The following SLC35F2 variants were observed in gnomAD, a reference collection of about 807,000 sequenced individuals.
SLC35F2 encodes the protein queuine/queuosine transporter SLC35F2.
Under a neutral mutation model 38.1 loss-of-function variants are expected in SLC35F2, and 25 were observed. The observed-to-expected ratio is 0.66, with a 90% CI of 0.48 to 0.92. The LOEUF (loss-of-function observed/expected upper bound fraction) is 0.92, where lower values mean the gene tolerates loss of function less well. SLC35F2 is among the 40% of genes least tolerant of loss of function. The pLI is 0.00. For missense variants in SLC35F2, 409 were observed against 452.9 expected (o/e 0.90, Z 0.88); for synonymous variants, 173 against 181.7 (o/e 0.95, Z 0.38).
At chr11:107,851,157 G>T (rs1381313814) in intron 1 of SLC35F2, among the ~76,000 whole-genome samples, 1 of 152,024 alleles carries the variant, frequency 6.6e-6, no homozygotes, top group Non-Finnish European at 1.5e-5. Context: ...CAGCTACTCA[G>T]GAGGCTGAAG....
chr11:107,815,234 G>A (rs1859549579), intron 2 of SLC35F2, among the ~76,000 whole-genome samples: 2 of 151,398 alleles, frequency 1.3e-5, no homozygotes, highest in South Asian at 2.1e-4. Context: ...AATTGGGGGG[G>A]AAACCTAACT....
rs763450986 is a variant in SLC35F2, at chr11:107,849,638, T to TG, written c.110+9019dup. Among the ~76,000 whole-genome samples, 16 of 49,636 alleles carry TG rather than the reference T, an allele frequency of 3.2e-4. 1 individual carries two copies. The highest frequency in any genetic ancestry group is 2.4e-3 in the South Asian group (2 of 826). 32.6% of individuals were successfully genotyped at this position (49,636 alleles called of 152,430 possible). A position where few individuals can be genotyped will look rare whatever the true frequency, so the allele number is the denominator to read the frequency against. On this transcript the variant is annotated intron_variant, in intron 1 of 7. Transcript: ENST00000525815. ...TGGGCGACAGAGCAAGACTCCGTTTTGGGAAAAAAAAAAAAAAAAAAAGAC... is the reference window on the plus strand; with the variant it reads ...TGGGCGACAGAGCAAGACTCCGTTTTGGGGAAAAAAAAAAAAAAAAAAAGAC...
rs1363348879 is a variant in SLC35F2, at chr11:107,851,551, AC to A, written c.110+7106del. 3.3e-5 allele frequency among the ~76,000 whole-genome samples: 5 copies of A among 151,016 alleles called. No homozygotes were observed. In the East Asian group the frequency reaches 9.7e-4, roughly 29 times the overall value. ...ATGAAAAAAACAACATGACTGGGTC[AC>A]AAACATATAATGCAGAGTGGAAATT... On this transcript the variant is annotated intron_variant, in intron 1 of 7. Coordinates refer to ENST00000525815, the MANE Select transcript of SLC35F2 (RefSeq NM_017515.5).
intron 1 of SLC35F2, 125 bp from the exon 2 acceptor site, chr11:107,816,090 G>T: frequency 7.7e-7 from 1 of 1,298,836 alleles, no homozygotes; most frequent in Non-Finnish European, 9.8e-7. Flanking sequence ...TATTCCAGGT[G>T]GTTCTTCATT....
At position 107,848,741 on chromosome 11, in the gene SLC35F2, G is replaced by A. The variant is rs564603191; in HGVS notation, c.110+9917C>T. On this transcript the variant is annotated intron_variant, in intron 1 of 7. Transcript: ENST00000525815. ...TGGCATAAAAGCCCAACTATAAAAC[G>A]ATCAATAGCAGCACACCCTGGTGGG... Among the ~76,000 whole-genome samples, 7 of 152,196 alleles carry A rather than the reference G, an allele frequency of 4.6e-5. No homozygotes were observed. The South Asian group carries it at 1.5e-3, about 32-fold the overall frequency.
At chr11:107,810,882 T>C in intron 3 of SLC35F2, 1 of 981,730 alleles carries the variant, frequency 1.0e-6, no homozygotes, top group Non-Finnish European at 1.2e-6. Flanking sequence ...CTCTGTATTT[T>C]GTATAGTGAG....
intron 3 of SLC35F2, chr11:107,810,235 GC>G (rs1859461196): frequency 1.0e-6 from 1 of 985,136 alleles, no homozygotes; most frequent in Admixed American, 6.2e-5. Flanking sequence ...ATGACTTTTG[GC>G]AACCAAATGC....
chr11:107,850,714 C>T (rs528934432), intron 1 of SLC35F2, among the ~76,000 whole-genome samples: 66 of 150,074 alleles, frequency 4.4e-4, no homozygotes, highest in African/African-American at 1.5e-3. Context: ...CCCAGCTACT[C>T]GGGAGGCTGA....
At chr11:107,798,240 G>T (rs11212379) in intron 7 of SLC35F2, among the ~76,000 whole-genome samples, 1 of 152,102 alleles carries the variant, frequency 6.6e-6, no homozygotes, top group South Asian at 2.1e-4. Context: ...CTGAACTAAA[G>T]TGACCCACTC....
intron 7 of SLC35F2, among the ~76,000 whole-genome samples, chr11:107,799,854 C>T (rs147266237): frequency 3.3e-5 from 5 of 150,458 alleles, no homozygotes; most frequent in East Asian, 2.0e-4. Flanking sequence ...CCCCTGTGCC[C>T]GGCACACTTT....
intron 1 of SLC35F2, among the ~76,000 whole-genome samples, chr11:107,832,550 C>T (rs1334902581): frequency 6.6e-6 from 1 of 152,170 alleles, no homozygotes; most frequent in Non-Finnish European, 1.5e-5. Flanking sequence ...TGCCTGTAAT[C>T]CCAGCACTTT....
rs757098482 is a variant in SLC35F2 at position 107,804,717 on chromosome 11, C to G, written c.784+1G>C. On this transcript the variant is annotated splice_donor_variant, in intron 6 of 7. Transcript: ENST00000525815. LOFTEE classifies it high-confidence loss of function. ...CTAAAAGGAATTATTTCTTTACATA[C>G]CAATTTTCCAGTCCCAATGAATGCT... 1 of 1,598,218 alleles carries G rather than the reference C, an allele frequency of 6.3e-7. No homozygotes were observed. The highest frequency in any genetic ancestry group is 8.5e-7 in the Non-Finnish European group (1 of 1,170,118).
chr11:107,852,972 A>G (rs1185726544), intron 1 of SLC35F2, among the ~76,000 whole-genome samples: 1 of 152,032 alleles, frequency 6.6e-6, no homozygotes, highest in African/African-American at 2.4e-5. Flanking sequence ...TGAACTCAGG[A>G]GATCATGACA....
intron 7 of SLC35F2, among the ~76,000 whole-genome samples, chr11:107,793,460 T>C (rs1859165405): frequency 6.6e-6 from 1 of 152,124 alleles, no homozygotes; most frequent in African/African-American, 2.4e-5. Context: ...GAGAGCCCCA[T>C]TCAGACCCTA....
At chr11:107,797,839 G>C (rs754804971) in intron 7 of SLC35F2, among the ~76,000 whole-genome samples, 1 of 152,048 alleles carries the variant, frequency 6.6e-6, no homozygotes, top group African/African-American at 2.4e-5. Context: ...TCCTACCACT[G>C]ATTTTCATTC....
At chr11:107,835,642 C>T (rs1461944784) in intron 1 of SLC35F2, among the ~76,000 whole-genome samples, 3 of 152,098 alleles carry the variant, frequency 2.0e-5, no homozygotes, top group African/African-American at 7.2e-5. Context: ...GTTCCCCACA[C>T]TGGTCTGGAA....
At chr11:107,810,713 T>A in intron 3 of SLC35F2, 2 of 982,728 alleles carry the variant, frequency 2.0e-6, no homozygotes, top group Non-Finnish European at 2.4e-6. Context: ...CTTAGCACAA[T>A]GTTACAGAAA....
chr11:107,840,351 C>T (rs913480792), intron 1 of SLC35F2, among the ~76,000 whole-genome samples: 2 of 152,194 alleles, frequency 1.3e-5, no homozygotes, highest in African/African-American at 4.8e-5. Flanking sequence ...CAGTCTGGCA[C>T]AGGGACTGAG....
At chr11:107,825,477 T>C (rs1267665295) in intron 1 of SLC35F2, among the ~76,000 whole-genome samples, 1 of 151,696 alleles carries the variant, frequency 6.6e-6, no homozygotes, top group Non-Finnish European at 1.5e-5. Flanking sequence ...GTTCAAGTGA[T>C]TCTCCTGCCT....
Sources: gnomAD v4.1 joint callset for allele counts (sites outside exome capture counted in the v4.1 genomes callset) on GRCh38, gnomAD v4.1.1 for gene constraint, MANE v1.5 for transcripts, NCBI Gene and HGNC (gene_info 2026-07-23, HGNC 2026-07-21) for gene names.